The following DGKD variants were observed in gnomAD, a reference collection of about 807,000 sequenced individuals.
The protein encoded by DGKD is diacylglycerol kinase delta.
A neutral mutation model predicts 154.4 loss-of-function variants in DGKD; 68 were observed. The observed-to-expected ratio is 0.44, with a 90% CI of 0.36 to 0.54. The LOEUF is 0.54. Ranked by LOEUF, DGKD falls within the 20% of genes least tolerant of loss-of-function variation. The pLI, the probability that DGKD is intolerant of heterozygous loss-of-function variation, is 0.00. For missense variants in DGKD, 1,343 were observed against 1,593.6 expected (o/e 0.84, Z 2.68); for synonymous variants, 693 against 638.0 (o/e 1.09, Z -1.30).
chr2:233,437,108 G>A (rs575496945), intron 7 of DGKD, among the ~76,000 whole-genome samples: 2 of 152,366 alleles, frequency 1.3e-5, no homozygotes, highest in East Asian at 3.9e-4. Flanking sequence ...AGGGCCAGAA[G>A]GTTGGGTACA....
chr2:233,391,097 A>G (rs1014369104), intron 3 of DGKD, among the ~76,000 whole-genome samples: 1 of 152,210 alleles, frequency 6.6e-6, no homozygotes, highest in African/African-American at 2.4e-5. Flanking sequence ...AAATTTGGAA[A>G]ATGCAGACAA....
In DGKD at chr2:233,370,002, T is replaced by C. The variant is rs537266620; in HGVS notation, c.156+15328T>C. On this transcript the variant is annotated intron_variant, in intron 1 of 29. Transcript: ENST00000264057. Reference sequence around the variant, plus strand: ...TCTTTTTCTTTTAAACCTGCTATTTTAACCATTTTAAAGTGCACAGTTAAG... The same window carrying C: ...TCTTTTTCTTTTAAACCTGCTATTTCAACCATTTTAAAGTGCACAGTTAAG... Among the ~76,000 whole-genome samples, 11 of 152,304 alleles carry C rather than the reference T, an allele frequency of 7.2e-5. No homozygotes were observed. In the South Asian group the frequency reaches 1.0e-3, roughly 14 times the overall value.
chr2:233,368,306 T>A (rs2125392378), intron 1 of DGKD, among the ~76,000 whole-genome samples: 1 of 152,114 alleles, frequency 6.6e-6, no homozygotes, highest in Non-Finnish European at 1.5e-5. Context: ...GGTCAGGAGT[T>A]CGAGACCAGC....
chr2:233,429,031 C>T (rs1225246741), intron 3 of DGKD: 1 of 735,092 alleles, frequency 1.4e-6, no homozygotes, highest in East Asian at 1.3e-4. Flanking sequence ...TGTCTTTAAA[C>T]CTAATGCTTT....
intron 3 of DGKD, among the ~76,000 whole-genome samples, chr2:233,400,700 G>T (rs748919670): frequency 3.9e-5 from 6 of 152,160 alleles, no homozygotes; most frequent in Non-Finnish European, 8.8e-5. Flanking sequence ...CTCTCGGGTA[G>T]CCCTGGTCAC....
intron 3 of DGKD, among the ~76,000 whole-genome samples, chr2:233,426,751 C>T (rs962955023): frequency 9.9e-5 from 15 of 152,016 alleles, no homozygotes; most frequent in African/African-American, 3.1e-4. Context: ...CTGTGGGATG[C>T]GTGGGTGGAA....
chr2:233,443,023 A>G (rs1299573649), intron 10 of DGKD, among the ~76,000 whole-genome samples: 1 of 152,110 alleles, frequency 6.6e-6, no homozygotes, highest in Non-Finnish European at 1.5e-5. Context: ...GGGCCAGCTC[A>G]CCTCCATGTG....
chr2:233,450,125 C>A lies in DGKD; in HGVS notation c.2032C>A (p.Arg678Ser). The A allele has an allele frequency of 6.2e-7, 1 of 1,609,156 alleles. No individual in the cohort carries two copies. Among genetic ancestry groups the A allele is most frequent in the Non-Finnish European group, 8.5e-7 (1 of 1,177,398 alleles). The stretch of plus-strand genomic sequence containing the variant: ...CGGGGTCCCCAAGGGGAGGAGCCAG[C>A]GCAAAGGTACTTGTGCCTCCACCTC... ...SFGVPKGRSQRKVSKSPCEKL... is the reference protein window; with the variant it reads ...SFGVPKGRSQSKVSKSPCEKL... The change falls in exon 16 of 30, where the codon CGC (arginine) becomes AGC (serine). Residue 678 changes from arginine to serine, a missense_variant. By Grantham distance (110) the Arg-to-Ser change is moderately radical. Around this residue, in one of 6 missense-constraint regions of DGKD, gnomAD observed 409 missense variants for 446.0 expected, o/e 0.92. Coordinates refer to ENST00000264057, the MANE Select transcript of DGKD (RefSeq NM_152879.3).
chr2:233,434,391 A>T lies in DGKD; in HGVS notation c.360A>T (p.Pro120=). ...GTTTCTTTCTCTAGGTCATAACTCC[A>T]TGCAGGAAGCTCATCTTGTGTGCTG... ...NVNNSFTVIT[P]CRKLILCADN... is the part of the protein sequence containing the mutation. Residue 120 remains proline, a synonymous_variant, in exon 4 of 30, where the codon CCA becomes CCT. Transcript: ENST00000264057. 2 of 1,614,128 alleles carry T rather than the reference A, an allele frequency of 1.2e-6. No homozygotes were observed. Among genetic ancestry groups the T allele is most frequent in the Non-Finnish European group, 1.7e-6 (2 of 1,179,944 alleles).
In DGKD at chr2:233,441,598, G is replaced by A. The variant is rs1231451044; in HGVS notation, c.1086-289G>A. 6.6e-6 allele frequency among the ~76,000 whole-genome samples: 1 copy of A among 152,226 alleles called. No individual in the cohort carries two copies. The highest frequency in any genetic ancestry group is 1.5e-5 in the Non-Finnish European group (1 of 68,026). ...GCAGTTTTGGCCCACCACTTTGCCT[G>A]TGATGTCTGCAGAGCGTGCAGTGGC... is the stretch of plus-strand genomic sequence containing the variant. On this transcript the variant is annotated intron_variant, in intron 9 of 29. Coordinates refer to ENST00000264057, the MANE Select transcript of DGKD (RefSeq NM_152879.3). This position sits in a 1 kb window ranked among gnomAD's most constrained non-coding sequence, Gnocchi z 5.6.
intron 1 of DGKD, among the ~76,000 whole-genome samples, chr2:233,374,372 TCA>T (rs985829511): frequency 6.6e-6 from 1 of 152,148 alleles, no homozygotes; most frequent in African/African-American, 2.4e-5. Context: ...TCTCGCCCTG[TCA>T]CCCAGGCTGG....
chr2:233,447,685 G>A, intron 12 of DGKD: 1 of 1,067,282 alleles, frequency 9.4e-7, no homozygotes, highest in Non-Finnish European at 1.1e-6. Flanking sequence ...GTGGGGGCAG[G>A]AGTGTGTGTC....
chr2:233,387,560 C>A (rs1296348980), intron 1 of DGKD, among the ~76,000 whole-genome samples: 1 of 152,172 alleles, frequency 6.6e-6, no homozygotes, highest in African/African-American at 2.4e-5. Flanking sequence ...GAAGTAGAGC[C>A]CCCTTCATTC....
intron 24 of DGKD, among the ~76,000 whole-genome samples, 190 bp downstream of exon 24, chr2:233,460,535 C>T (rs2063596703): frequency 2.0e-5 from 3 of 152,218 alleles, no homozygotes; most frequent in Admixed American, 2.0e-4. Context: ...CAGAACTCGC[C>T]TGGAGTTTAC....
Position 233,438,351 on chromosome 2 carries a change from G to C in DGKD, c.1057G>C (p.Asp353His), listed in dbSNP as rs770447761. The change falls in exon 9 of 30, where the codon GAC becomes CAC. Residue 353 changes from aspartate (D) to histidine (H), a missense_variant. By Grantham distance (81) the Asp-to-His change is moderately conservative. This residue lies in a region of DGKD where 56 missense variants were observed against 111.1 expected (regional missense o/e 0.50). Transcript: ENST00000264057. The surrounding 1 kb of genome is among the most constrained non-coding windows in gnomAD (Gnocchi z 4.1). ...GCTACTAAACCCCGCCCAGGTCTTC[G>C]ACCTCATGAACGGAGGCCCACACCT... ...KQLLNPAQVF[D>H]LMNGGPHLGL... 2 of 1,613,956 alleles carry C rather than the reference G, an allele frequency of 1.2e-6. No individual in the cohort carries two copies. Among genetic ancestry groups the C allele is most frequent in the Non-Finnish European group, 1.7e-6 (2 of 1,179,928 alleles).
intron 1 of DGKD, chr2:233,386,084 C>T: frequency 2.4e-6 from 1 of 420,524 alleles, no homozygotes; most frequent in South Asian, 1.7e-5. Context: ...GCAGGAGATG[C>T]AAGAAAAAAT....
At chr2:233,439,236 C>T (rs541995329) in intron 9 of DGKD, among the ~76,000 whole-genome samples, 1 of 152,302 alleles carries the variant, frequency 6.6e-6, no homozygotes, top group South Asian at 2.1e-4. Flanking sequence ...AGCCTGTGGT[C>T]TGGCCTGTAT....
intron 3 of DGKD, among the ~76,000 whole-genome samples, chr2:233,418,997 C>T (rs73995946): frequency 0.03 from 4,628 of 152,182 alleles, 228 homozygotes; most frequent in African/African-American, 0.11. Flanking sequence ...CTGTTGTCTA[C>T]GCACATCCCA....
intron 3 of DGKD, among the ~76,000 whole-genome samples, chr2:233,404,872 G>T (rs2061645654): frequency 2.0e-5 from 3 of 152,092 alleles, no homozygotes; most frequent in Admixed American, 2.0e-4. Flanking sequence ...GCTGCCCCAG[G>T]TATGGAAGGT....
Sources: gnomAD v4.1 joint callset for allele counts (sites outside exome capture counted in the v4.1 genomes callset) on GRCh38, gnomAD v4.1.1 for gene constraint, gnomAD v4.1.1 regional missense constraint, Gnocchi (gnomAD v3.1) non-coding constraint, MANE v1.5 for transcripts, NCBI Gene and HGNC (gene_info 2026-07-23, HGNC 2026-07-21) for gene names.